Variants in AVEN observed in about 807,000 individuals in gnomAD.
The protein encoded by AVEN is apoptosis and caspase activation inhibitor.
In AVEN, 41 loss-of-function variants were observed where a neutral mutation model predicts 38.1. That is an observed-to-expected ratio of 1.08 (90% CI 0.84 to 1.40). AVEN has a LOEUF of 1.40. Ranked by LOEUF, AVEN falls within the 40% of genes most tolerant of loss-of-function variation. The pLI is 0.00. For synonymous variants in AVEN, 206 were observed against 171.8 expected (o/e 1.20, Z -1.56); for missense variants, 605 against 438.8 (o/e 1.38, Z -3.38).
chr15:34,019,139 C>A (rs1389542402), intron 1 of AVEN, among the ~76,000 whole-genome samples: 1 of 152,218 alleles, frequency 6.6e-6, no homozygotes, highest in Non-Finnish European at 1.5e-5. Context: ...CAGAAAAGTT[C>A]TCCAAGTCCC....
At position 34,003,177 on chromosome 15, in the gene AVEN, T is replaced by C. The variant is rs1471743473; in HGVS notation, c.300A>G (p.Gly100=). The change falls in exon 2 of 6, where the codon GGA becomes GGG. Residue 100 remains glycine, a synonymous_variant. Transcript: ENST00000306730. ...AATTTCCCTGTTCATCATTCTCTTCTCCATAGGTCTCTGCATCGCTGTCAT... is the reference window on the plus strand; with the variant it reads ...AATTTCCCTGTTCATCATTCTCTTCCCCATAGGTCTCTGCATCGCTGTCAT... ...VEDDSDAETY[G]EENDEQGNYS... is the part of the protein sequence containing the mutation. 1.2e-6 allele frequency: 2 copies of C among 1,613,758 alleles called. No homozygotes were observed. The highest frequency in any genetic ancestry group is 1.7e-6 in the Non-Finnish European group (2 of 1,179,908).
chr15:34,068,730 T>C (rs764313978), intron 2 of AVEN, among the ~76,000 whole-genome samples: 19 of 152,196 alleles, frequency 1.2e-4, no homozygotes, highest in Non-Finnish European at 2.5e-4. Context: ...TTAGTTGTCA[T>C]GTCATGGTTA....
the AVEN span, among the ~76,000 whole-genome samples, chr15:33,853,278 C>T: frequency 6.6e-6 from 1 of 152,194 alleles, no homozygotes. Context: ...ACTCATCTGC[C>T]TTAAACAAGT....
intron 1 of AVEN, among the ~76,000 whole-genome samples, chr15:34,036,946 T>C (rs1342091087): frequency 6.6e-6 from 1 of 151,810 alleles, no homozygotes; most frequent in Non-Finnish European, 1.5e-5. Context: ...CCCATCTCTA[T>C]TAAAAATACA....
intron 3 of AVEN, among the ~76,000 whole-genome samples, chr15:33,873,555 AAT>A (rs564827159): frequency 1.2e-3 from 179 of 148,120 alleles, no homozygotes; most frequent in African/African-American, 3.8e-3. Context: ...CTCAATATAT[AAT>A]ATACGTATTA....
intron 1 of AVEN, among the ~76,000 whole-genome samples, chr15:34,010,766 G>A (rs975883225): frequency 2.6e-5 from 4 of 152,150 alleles, no homozygotes; most frequent in African/African-American, 9.7e-5. Context: ...ATTTTACAAT[G>A]TGTATAACTG....
At position 34,001,745 on chromosome 15, in the gene AVEN, T is replaced by C. The variant is rs74736544; in HGVS notation, c.445+1287A>G. Among the ~76,000 whole-genome samples, 1,504 of 152,338 alleles carry C rather than the reference T, an allele frequency of 9.9e-3. 24 individuals carry two copies. Among genetic ancestry groups the C allele is most frequent in the Admixed American group, 0.044 (679 of 15,306 alleles). The stretch of plus-strand genomic sequence containing the variant: ...CCTGTGCTCCTGACTCACAATTTTA[T>C]GATCTACTTCTTTCCTGCTCGGAAA... On this transcript the variant is annotated intron_variant, in intron 2 of 5. Transcript: ENST00000306730.
downstream of AVEN, chr15:33,856,647 G>GTTTTTT: frequency 6.5e-6 from 1 of 154,022 alleles, no homozygotes; most frequent in African/African-American, 2.4e-5. Context: ...GAACCTTTGG[G>GTTTTTT]TTTTTTGTTT....
chr15:33,967,312 C>T (rs1235272032), intron 2 of AVEN, among the ~76,000 whole-genome samples: 1 of 152,024 alleles, frequency 6.6e-6, no homozygotes, highest in African/African-American at 2.4e-5. Context: ...TACATAAAGA[C>T]ATAGTTTCTG....
chr15:33,956,546 T>C (rs1321315409), intron 2 of AVEN, among the ~76,000 whole-genome samples: 2 of 150,456 alleles, frequency 1.3e-5, no homozygotes, highest in African/African-American at 5.0e-5. Context: ...ACACATCATA[T>C]ATATTGGAAA....
upstream of AVEN, among the ~76,000 whole-genome samples, chr15:34,041,257 G>A (rs1899464420): frequency 6.6e-6 from 1 of 152,134 alleles, no homozygotes; most frequent in Admixed American, 6.5e-5. Flanking sequence ...TTCCCTGAGA[G>A]GCAATCACCC....
At chr15:34,056,625 C>T (rs1327088771) in intron 5 of AVEN, among the ~76,000 whole-genome samples, 3 of 152,158 alleles carry the variant, frequency 2.0e-5, no homozygotes, top group Non-Finnish European at 4.4e-5. Flanking sequence ...AGTCTATGAG[C>T]AGACTCTGAG....
intron 4 of AVEN, among the ~76,000 whole-genome samples, chr15:33,869,350 C>G (rs1890838250): frequency 6.6e-6 from 1 of 152,104 alleles, no homozygotes; most frequent in African/African-American, 2.4e-5. Flanking sequence ...TATTTTATAC[C>G]TTTAATGCCT....
intron 2 of AVEN, among the ~76,000 whole-genome samples, chr15:34,001,759 C>T (rs1897146775): frequency 6.6e-6 from 1 of 152,160 alleles, no homozygotes; most frequent in Non-Finnish European, 1.5e-5. Context: ...CTACTTCTTT[C>T]CTGCTCGGAA....
chr15:33,989,743 A>C (rs947243095), intron 2 of AVEN, among the ~76,000 whole-genome samples: 7 of 152,028 alleles, frequency 4.6e-5, no homozygotes, highest in African/African-American at 1.7e-4. Flanking sequence ...GAATTTATCA[A>C]CTTCCAATTA....
At chr15:33,880,295 G>C (rs1441772293) in intron 2 of AVEN, among the ~76,000 whole-genome samples, 1 of 147,394 alleles carries the variant, frequency 6.8e-6, no homozygotes, top group Non-Finnish European at 1.5e-5. Context: ...AAGGAGGTCA[G>C]GGTAACATTT....
chr15:34,010,288 A>C (rs1289410667), intron 1 of AVEN, among the ~76,000 whole-genome samples: 1 of 152,190 alleles, frequency 6.6e-6, no homozygotes, highest in African/African-American at 2.4e-5. Flanking sequence ...TATTTGGACA[A>C]CCTTATTCAT....
At chr15:34,069,406 C>T (rs1275653239) in intron 2 of AVEN, among the ~76,000 whole-genome samples, 2 of 152,110 alleles carry the variant, frequency 1.3e-5, no homozygotes, top group African/African-American at 4.8e-5. Context: ...GAGCTGAGAT[C>T]GTGCCACGGC....
At position 33,871,103 on chromosome 15, in the gene AVEN, G is replaced by C. The variant is rs530493812; in HGVS notation, c.517-73C>G. 7.1e-5 allele frequency: 71 copies of C among 995,952 alleles called. No individual in the cohort carries two copies. The African/African-American group carries it at 1.0e-3, about 14-fold the overall frequency. The allele number at this position is 995,952 out of a possible 1,614,324, so 61.7% of individuals were successfully genotyped here. A position where few individuals can be genotyped will look rare whatever the true frequency, so the allele number is the denominator to read the frequency against. ...CCTTTTGGAAATAAAAGAAGAAACT[G>C]TAAATAATCCACTGGAGTTACATTT... is the stretch of plus-strand genomic sequence containing the variant. On this transcript the variant is annotated intron_variant, in intron 3 of 5. Coordinates refer to ENST00000306730, the MANE Select transcript of AVEN (RefSeq NM_020371.3).
Sources: gnomAD v4.1 joint callset for allele counts (sites outside exome capture counted in the v4.1 genomes callset) on GRCh38, gnomAD v4.1.1 for gene constraint, MANE v1.5 for transcripts, NCBI Gene and HGNC (gene_info 2026-07-23, HGNC 2026-07-21) for gene names.